SLC4A10: variants seen among roughly 807,000 people sequenced by gnomAD.
SLC4A10 encodes sodium-driven chloride bicarbonate exchanger.
In SLC4A10, 42 loss-of-function variants were observed where a neutral mutation model predicts 137.7. That is an observed-to-expected ratio of 0.30 (90% CI 0.24 to 0.39). SLC4A10 has a LOEUF of 0.39. Among genes scored for constraint, SLC4A10 ranks in the 10% least tolerant of loss-of-function variants. SLC4A10 has a pLI of 1.00. For missense variants in SLC4A10, 925 were observed against 1,355.0 expected, an observed-to-expected ratio of 0.68 and a Z score of 4.98; for synonymous variants, 474 against 464.1, an observed-to-expected ratio of 1.02 and a Z score of -0.27.
intron 1 of SLC4A10, among the ~76,000 whole-genome samples, chr2:161,664,211 G>A (rs1405925408): frequency 6.6e-6 from 1 of 151,894 alleles, no homozygotes; most frequent in Non-Finnish European, 1.5e-5. Context: ...GAGAGTTTTG[G>A]TTATCTCTTT....
Position 161,882,349 on chromosome 2 carries a change from A to G in SLC4A10, c.1107-8A>G, listed in dbSNP as rs372776251. On this transcript the variant is annotated splice_region_variant and splice_polypyrimidine_tract_variant and intron_variant, in intron 9 of 26. Coordinates refer to ENST00000446997, the MANE Select transcript of SLC4A10 (RefSeq NM_001178015.2). ...ACCTTAAAACATTTTTTTTCTTCTT[A>G]ATTACAGATTTTTGTTCATTCTTCT... The G allele has an allele frequency of 1.3e-6, 2 of 1,523,420 alleles. No homozygotes were observed. The highest frequency in any genetic ancestry group is 1.4e-5 in the African/African-American group (1 of 71,550). The allele number at this position is 1,523,420 out of a possible 1,614,324, so 94.4% of individuals were successfully genotyped here. A position where few individuals can be genotyped will look rare whatever the true frequency, so the allele number is the denominator to read the frequency against.
chr2:161,804,625 G>C lies in SLC4A10; in HGVS notation c.277+30G>C, dbSNP rs372941841. The C allele has an allele frequency of 1.7e-5, 26 of 1,562,764 alleles. No homozygotes were observed. The African/African-American group carries it at 3.6e-4, about 21-fold the overall frequency. ...GAATCCTTCTCCTTGTTTTTATTAA[G>C]TTAATTATTGTAATATACTTGCTTA... On this transcript the variant is annotated intron_variant, in intron 3 of 26. Transcript: ENST00000446997.
chr2:161,814,506 C>A (rs1160090280), intron 3 of SLC4A10, among the ~76,000 whole-genome samples: 1 of 152,036 alleles, frequency 6.6e-6, no homozygotes, highest in East Asian at 1.9e-4. Context: ...TTCACCATGG[C>A]AAAGACATGG....
At chr2:161,968,607 T>C (rs73003582) in intron 23 of SLC4A10, among the ~76,000 whole-genome samples, 2,874 of 152,218 alleles carry the variant, frequency 0.019, 83 homozygotes, top group African/African-American at 0.064. Flanking sequence ...TGGGTTAATA[T>C]GATGATACTT....
rs945531081 is a variant in SLC4A10, at chr2:161,854,849, C to T, written c.417-121C>T. 7 of 990,092 alleles carry T rather than the reference C, an allele frequency of 7.1e-6. No homozygotes were observed. The African/African-American group carries it at 1.0e-4, about 14-fold the overall frequency. The allele number at this position is 990,092 out of a possible 1,614,324, so 61.3% of individuals were successfully genotyped here. ...GCTTAGACTAGCTTTTATATACTTC[C>T]AAAACCTATGAACCAAGACACAATA... On this transcript the variant is annotated intron_variant, in intron 4 of 26. Transcript: ENST00000446997.
At chr2:161,755,511 C>A (rs1183428990) in intron 1 of SLC4A10, among the ~76,000 whole-genome samples, 2 of 152,078 alleles carry the variant, frequency 1.3e-5, no homozygotes, top group Admixed American at 6.6e-5. Context: ...TTTCTAAGTC[C>A]ATTTTTCTAA....
In SLC4A10 at chr2:161,958,494, C is replaced by T; in HGVS notation, c.2801C>T (p.Pro934Leu). Residue 934 changes from proline to leucine, a missense_variant, in exon 21 of 27, where the codon CCC becomes CTC. Physicochemically the swap from Pro to Leu is moderately conservative, Grantham distance 98 (BLOSUM62 -3). Around this residue, in one of 11 missense-constraint regions of SLC4A10, gnomAD observed 115 missense variants for 237.5 expected, o/e 0.48. Coordinates refer to ENST00000446997, the MANE Select transcript of SLC4A10 (RefSeq NM_001178015.2). ...CCAATTGTTCTTTTACAGTTTATTC[C>T]CATGCCAGTGCTATATGGAGTGTTT... ...VFMTSILKFI[P>L]MPVLYGVFLY... 6.2e-7 allele frequency: 1 copy of T among 1,610,006 alleles called. No homozygotes were observed. Among genetic ancestry groups the T allele is most frequent in the Non-Finnish European group, 8.5e-7 (1 of 1,177,812 alleles).
At chr2:161,981,676 G>A (rs1700237062) in intron 26 of SLC4A10, among the ~76,000 whole-genome samples, 2 of 152,232 alleles carry the variant, frequency 1.3e-5, no homozygotes, top group Admixed American at 1.3e-4. Flanking sequence ...AGAAGAAAGT[G>A]AGTCATACAG....
At position 161,757,871 on chromosome 2, in the gene SLC4A10, A is replaced by G. The variant is rs554118080; in HGVS notation, c.49-13102A>G. On this transcript the variant is annotated intron_variant, in intron 1 of 26. Transcript: ENST00000446997. ...AGTTCTTCTAAATAGAAAAAATTCC[A>G]TCATCTCAATTACATACAAACTTAA... Among the ~76,000 whole-genome samples, 65 of 152,262 alleles carry G rather than the reference A, an allele frequency of 4.3e-4. 1 individual carries two copies. Among genetic ancestry groups the G allele is most frequent in the African/African-American group, 1.5e-3 (62 of 41,586 alleles).
chr2:161,765,701 C>T (rs1035627051), intron 1 of SLC4A10, among the ~76,000 whole-genome samples: 4 of 151,760 alleles, frequency 2.6e-5, no homozygotes, highest in Non-Finnish European at 4.4e-5. Context: ...CTTCCTTACA[C>T]AGTGCTAAAA....
chr2:161,910,227 A>G (rs1685503339), intron 15 of SLC4A10, among the ~76,000 whole-genome samples: 1 of 152,130 alleles, frequency 6.6e-6, no homozygotes, highest in Non-Finnish European at 1.5e-5. Flanking sequence ...TTGACTTTTT[A>G]AAGATATATC....
intron 7 of SLC4A10, among the ~76,000 whole-genome samples, chr2:161,872,902 C>T (rs183517664): frequency 5.3e-5 from 8 of 152,090 alleles, no homozygotes; most frequent in East Asian, 1.9e-4. Context: ...TTAGTAGAGA[C>T]GGGGTTTCAC....
chr2:161,939,184 C>T (rs1335240500), intron 15 of SLC4A10, among the ~76,000 whole-genome samples: 2 of 152,156 alleles, frequency 1.3e-5, no homozygotes, highest in Admixed American at 1.3e-4. Context: ...TCAAGTGATT[C>T]TCCTGCCTCA....
chr2:161,956,875 T>C (rs1025509651), intron 19 of SLC4A10, 114 bp from the exon 20 acceptor site: 15 of 1,159,728 alleles, frequency 1.3e-5, no homozygotes, highest in Admixed American at 2.9e-5. Flanking sequence ...CCAGGAGATC[T>C]GATATGAAGG....
At chr2:161,906,688 T>C (rs1684448132) in intron 15 of SLC4A10, among the ~76,000 whole-genome samples, 1 of 152,230 alleles carries the variant, frequency 6.6e-6, no homozygotes, top group Non-Finnish European at 1.5e-5. Flanking sequence ...CCCTATAAAC[T>C]GCTTAGATAT....
chr2:161,879,661 G>A (rs530868468), intron 9 of SLC4A10, among the ~76,000 whole-genome samples: 2 of 151,096 alleles, frequency 1.3e-5, no homozygotes, highest in Middle Eastern at 3.4e-3. Flanking sequence ...GTGCATGAGT[G>A]CGGTCAAACT....
chr2:161,761,089 C>T (rs1294836852), intron 1 of SLC4A10, among the ~76,000 whole-genome samples: 1 of 151,982 alleles, frequency 6.6e-6, no homozygotes, highest in East Asian at 1.9e-4. Flanking sequence ...TAATGTCACT[C>T]AAGACAGAGA....
At chr2:161,907,014 C>G (rs2105355149) in intron 15 of SLC4A10, among the ~76,000 whole-genome samples, 1 of 146,206 alleles carries the variant, frequency 6.8e-6, no homozygotes, top group African/African-American at 2.5e-5. Context: ...TGAGATCGCG[C>G]CACTGCACTC....
chr2:161,804,629 A>G, intron 3 of SLC4A10, 34 bp downstream of exon 3: 1 of 1,556,598 alleles, frequency 6.4e-7, no homozygotes, highest in Non-Finnish European at 8.7e-7. Flanking sequence ...TATTAAGTTA[A>G]TTATTGTAAT....
Sources: gnomAD v4.1 joint callset for allele counts (sites outside exome capture counted in the v4.1 genomes callset) on GRCh38, gnomAD v4.1.1 for gene constraint, gnomAD v4.1.1 regional missense constraint, MANE v1.5 for transcripts, NCBI Gene and HGNC (gene_info 2026-07-23, HGNC 2026-07-21) for gene names.